The following FAM24B variants were observed in gnomAD, a reference collection of about 807,000 sequenced individuals.
FAM24B encodes family with sequence similarity 24 member B, also known as protein FAM24B.
Under a neutral mutation model 2.3 loss-of-function variants are expected in FAM24B, and 3 were observed. That is an observed-to-expected ratio of 1.29 (90% CI 0.59 to 3.32). The LOEUF (loss-of-function observed/expected upper bound fraction) is 3.32. Among genes scored for constraint, FAM24B ranks in the 30% most tolerant of loss-of-function variants. The pLI, the probability that FAM24B is intolerant of heterozygous loss-of-function variation, is 0.03. For synonymous variants in FAM24B, 36 were observed against 46.3 expected (o/e 0.78, Z 0.90); for missense variants, 98 against 117.2 (o/e 0.84, Z 0.76).
chr10:122,849,528 A>G, intron 3 of FAM24B, 89 bp from the exon 4 acceptor site: 1 of 1,220,154 alleles, frequency 8.2e-7, no homozygotes, highest in Non-Finnish European at 1.1e-6. Context: ...TGGGGAGTTT[A>G]GTGCTGAAGC....
chr10:122,849,411 C>G lies in FAM24B; in HGVS notation c.121G>C (p.Val41Leu). The change falls in exon 4 of 4, where the codon GTA (valine) becomes CTA (leucine). Residue 41 changes from valine to leucine, a missense_variant. Physicochemically the swap from Val to Leu is conservative, Grantham distance 32. Coordinates refer to ENST00000368898, the MANE Select transcript of FAM24B (RefSeq NM_152644.3). ...KAAKEPEAVA[V>L]KNHNPDKVWW... is the part of the protein sequence containing the mutation. ...ACCTTGTCTGGGTTGTGATTTTTTA[C>G]AGCCACAGCTTCAGGTTCCTTTGCA... 6.2e-7 allele frequency: 1 copy of G among 1,611,210 alleles called. No homozygotes were observed. Among genetic ancestry groups the G allele is most frequent in the Non-Finnish European group, 8.5e-7 (1 of 1,178,998 alleles).
At chr10:122,872,369 T>C (rs552204786) in intron 1 of FAM24B, among the ~76,000 whole-genome samples, 1 of 152,192 alleles carries the variant, frequency 6.6e-6, no homozygotes, top group African/African-American at 2.4e-5. Context: ...ATTGTGGAAG[T>C]CAGTGTGGCG....
intron 1 of FAM24B, among the ~76,000 whole-genome samples, chr10:122,871,674 G>A (rs1005985061): frequency 9.2e-5 from 14 of 152,048 alleles, no homozygotes; most frequent in Admixed American, 7.9e-4. Context: ...CTGACAAAAA[G>A]AAGAAATGGG....
intron 2 of FAM24B, among the ~76,000 whole-genome samples, chr10:122,851,671 A>G (rs1170219739): frequency 6.6e-6 from 1 of 152,212 alleles, no homozygotes; most frequent in African/African-American, 2.4e-5. Context: ...CAGAGATGCT[A>G]TGTTATATTA....
chr10:122,875,750 A>T lies in FAM24B; in HGVS notation c.-178+3735T>A, dbSNP rs77837835. Among the ~76,000 whole-genome samples the T allele has an allele frequency of 8.2e-3, 257 of 31,164 alleles. 1 individual carries two copies. The highest frequency in any genetic ancestry group is 0.025 in the African/African-American group (246 of 9,660). 20.4% of individuals were successfully genotyped at this position (31,164 alleles called of 152,430 possible). A position where few individuals can be genotyped will look rare whatever the true frequency, so the allele number is the denominator to read the frequency against. On this transcript the variant is annotated intron_variant, in intron 1 of 3. Transcript: ENST00000368898. ...ACTAGGGAAAGGCAGTCTCCTAATT[A>T]AAAAAAAAAACCCTGAAACTGGTGA...
chr10:122,849,267 C>G lies in FAM24B; in HGVS notation c.265G>C (p.Asp89His). The part of the protein sequence containing the change: ...SFDSLPPCCC[D>H]INEGL ...CTAACTCAGAGGCCCTCATTTATGTCGCAACAGCAAGGTGGCAGGGAATCA... is the reference window on the plus strand; with the variant it reads ...CTAACTCAGAGGCCCTCATTTATGTGGCAACAGCAAGGTGGCAGGGAATCA... Residue 89 changes from aspartate (D) to histidine (H), a missense_variant, in exon 4 of 4, where the codon GAC becomes CAC. Asp to His is a moderately conservative substitution (Grantham distance 81, BLOSUM62 -1). Coordinates refer to ENST00000368898, the MANE Select transcript of FAM24B (RefSeq NM_152644.3). 1 of 1,571,900 alleles carries G rather than the reference C, an allele frequency of 6.4e-7. No homozygotes were observed.
intron 3 of FAM24B, 22 bp from the exon 4 acceptor site, chr10:122,849,461 A>T: frequency 6.3e-7 from 1 of 1,587,222 alleles, no homozygotes; most frequent in African/African-American, 1.4e-5. Context: ...ACACACACAA[A>T]GCACAGGCTT....
At chr10:122,857,361 C>G (rs551485366) in intron 1 of FAM24B, among the ~76,000 whole-genome samples, 133 of 152,300 alleles carry the variant, frequency 8.7e-4, no homozygotes, top group Non-Finnish European at 1.6e-3. Context: ...ACTTTGCCTA[C>G]CATGAGGTTA....
intron 1 of FAM24B, among the ~76,000 whole-genome samples, chr10:122,858,944 T>G (rs1847684779): frequency 1.3e-5 from 2 of 152,184 alleles, no homozygotes; most frequent in South Asian, 4.1e-4. Context: ...TAAATTTCCT[T>G]AGGAAAGATG....
intron 1 of FAM24B, among the ~76,000 whole-genome samples, chr10:122,867,758 C>A (rs1039200587): frequency 1.3e-5 from 2 of 152,132 alleles, no homozygotes; most frequent in African/African-American, 2.4e-5. Context: ...AACTAACAAA[C>A]AGAAAGGACA....
At chr10:122,873,303 GA>G (rs1376415076) in intron 1 of FAM24B, among the ~76,000 whole-genome samples, 2 of 152,196 alleles carry the variant, frequency 1.3e-5, no homozygotes, top group African/African-American at 4.8e-5. Flanking sequence ...TTACCATTCT[GA>G]AAATCCTAGG....
Position 122,872,982 on chromosome 10 carries a change from T to C in FAM24B, c.-178+6503A>G, listed in dbSNP as rs150460101. Among the ~76,000 whole-genome samples, 79 of 152,210 alleles carry C rather than the reference T, an allele frequency of 5.2e-4. 1 individual carries two copies. The East Asian group carries it at 0.01, about 20-fold the overall frequency. Reference sequence around the variant, plus strand: ...TAAAAAAAGAACAGGTTGAAGCTAATAGAGGTCAGTTCATGAGGTTTAAAA... The same window carrying C: ...TAAAAAAAGAACAGGTTGAAGCTAACAGAGGTCAGTTCATGAGGTTTAAAA... On this transcript the variant is annotated intron_variant, in intron 1 of 3. Coordinates refer to ENST00000368898, the MANE Select transcript of FAM24B (RefSeq NM_152644.3).
chr10:122,865,693 T>C (rs1376863034), intron 1 of FAM24B, among the ~76,000 whole-genome samples: 1 of 152,186 alleles, frequency 6.6e-6, no homozygotes, highest in African/African-American at 2.4e-5. Context: ...AAAATTTGTA[T>C]TATTTTTGCC....
intron 1 of FAM24B, among the ~76,000 whole-genome samples, chr10:122,867,443 G>A (rs928992050): frequency 6.6e-6 from 1 of 152,214 alleles, no homozygotes; most frequent in Admixed American, 6.5e-5. Flanking sequence ...GAAGAGAGTA[G>A]TGGTTCTCCC....
chr10:122,858,458 C>T (rs1220787708), intron 1 of FAM24B, among the ~76,000 whole-genome samples: 2 of 151,382 alleles, frequency 1.3e-5, no homozygotes, highest in East Asian at 3.9e-4. Flanking sequence ...ATGTAAATGA[C>T]GAGTTAATGG....
intron 1 of FAM24B, among the ~76,000 whole-genome samples, chr10:122,857,763 T>C (rs1847662784): frequency 6.6e-6 from 1 of 152,246 alleles, no homozygotes; most frequent in Admixed American, 6.5e-5. Context: ...AAGAATGTTA[T>C]AAACTCTTGA....
At chr10:122,850,357 A>C in intron 3 of FAM24B, 67 bp downstream of exon 3, 3 of 1,283,818 alleles carry the variant, frequency 2.3e-6, no homozygotes, top group Non-Finnish European at 3.4e-6. Context: ...CCCACTGAGG[A>C]AGTGCTATCC....
At chr10:122,857,971 A>G (rs1566252468) in intron 1 of FAM24B, among the ~76,000 whole-genome samples, 1 of 152,214 alleles carries the variant, frequency 6.6e-6, no homozygotes, top group African/African-American at 2.4e-5. Context: ...GACGATTCAC[A>G]TGTGGTGACT....
chr10:122,854,756 T>A (rs1271860080), intron 2 of FAM24B, among the ~76,000 whole-genome samples: 4 of 152,180 alleles, frequency 2.6e-5, no homozygotes, highest in Non-Finnish European at 5.9e-5. Flanking sequence ...AAAATGCGAT[T>A]CCCAATACAG....
Sources: gnomAD v4.1 joint callset for allele counts (sites outside exome capture counted in the v4.1 genomes callset) on GRCh38, gnomAD v4.1.1 for gene constraint, MANE v1.5 for transcripts, NCBI Gene and HGNC (gene_info 2026-07-23, HGNC 2026-07-21) for gene names.